DAP: variants seen among roughly 807,000 people sequenced by gnomAD.
The protein encoded by DAP is death associated protein.
A neutral mutation model predicts 13.8 loss-of-function variants in DAP; 8 were observed. That is an observed-to-expected ratio of 0.58 (90% CI 0.34 to 1.05). The LOEUF is 1.05. Among genes scored for constraint, DAP ranks in the 50% least tolerant of loss-of-function variants. The pLI is 0.03. For missense variants in DAP, 106 were observed against 133.2 expected, an observed-to-expected ratio of 0.80 and a Z score of 1.01; for synonymous variants, 47 against 47.5, an observed-to-expected ratio of 0.99 and a Z score of 0.04.
In DAP at chr5:10,680,814, T is replaced by C. The variant is rs1329171048; in HGVS notation, c.*242A>G. On this transcript the variant is annotated 3_prime_UTR_variant, in exon 4 of 4. Coordinates refer to ENST00000230895, the MANE Select transcript of DAP (RefSeq NM_004394.3). ...CTCGGATCTTGGCAAATTCTGCTAA[T>C]GGCACCTCTAGGGGCACAATGATCC... 4.6e-6 allele frequency: 7 copies of C among 1,536,790 alleles called. No individual in the cohort carries two copies. The South Asian group carries it at 4.8e-5, about 10-fold the overall frequency.
chr5:10,683,532 G>C lies in DAP; in HGVS notation c.192C>G (p.Ala64=). The C allele has an allele frequency of 3.1e-6, 5 of 1,613,990 alleles. No individual in the cohort carries two copies. The South Asian group carries it at 5.5e-5, about 18-fold the overall frequency. Residue 64 remains alanine (A), a synonymous_variant, in exon 3 of 4, where the codon GCC becomes GCG. Transcript: ENST00000230895. Reference sequence around the variant, plus strand: ...CCGCAGACACTCCCAGACTTACCCGGGCGATGACCCCAGAGATGAACACAG... The same window carrying C: ...CCGCAGACACTCCCAGACTTACCCGCGCGATGACCCCAGAGATGAACACAG... ...KPTVFISGVI[A]RGDKDFPPAA... is the part of the protein sequence containing the mutation.
chr5:10,748,262 C>A lies in DAP; in HGVS notation c.65G>T (p.Gly22Val), dbSNP rs756386770. 1 of 1,613,688 alleles carries A rather than the reference C, an allele frequency of 6.2e-7. No individual in the cohort carries two copies. The highest frequency in any genetic ancestry group is 1.7e-5 in the Admixed American group (1 of 60,028). The change falls in exon 2 of 4, where the codon GGT becomes GTT. Residue 22 changes from glycine to valine, a missense_variant. By Grantham distance (109) the Gly-to-Val change is moderately radical. Coordinates refer to ENST00000230895, the MANE Select transcript of DAP (RefSeq NM_004394.3). ...GTGTTTCTGCACAATTCGCATTCCA[C>A]CAGCTTTCACTGAAATGAAAACAGA... The part of the protein sequence containing the change: ...KAGHPPAVKA[G>V]GMRIVQKHPH...
At chr5:10,727,345 C>T (rs1486106851) in intron 2 of DAP, among the ~76,000 whole-genome samples, 2 of 152,140 alleles carry the variant, frequency 1.3e-5, no homozygotes, top group Non-Finnish European at 2.9e-5. Context: ...TGTGGGAACG[C>T]ACAGGGGTCA....
At chr5:10,723,000 G>A (rs1047800788) in intron 2 of DAP, among the ~76,000 whole-genome samples, 3 of 152,116 alleles carry the variant, frequency 2.0e-5, no homozygotes, top group East Asian at 3.8e-4. Context: ...CACTACAGCC[G>A]CAAAGTCCAG....
chr5:10,733,156 G>A (rs547788183), intron 2 of DAP, among the ~76,000 whole-genome samples: 3 of 8,012 alleles, frequency 3.7e-4, no homozygotes, highest in South Asian at 0.013. Flanking sequence ...ATATTCCTGC[G>A]TGTGTGTGTG....
intron 2 of DAP, 195 bp downstream of exon 2, chr5:10,747,980 A>G: frequency 1.9e-6 from 1 of 529,600 alleles, no homozygotes; most frequent in Non-Finnish European, 3.4e-6. Context: ...AGGAAAGAGG[A>G]CCTCTAGGGG....
chr5:10,755,842 A>C (rs562564835), intron 1 of DAP, among the ~76,000 whole-genome samples: 1 of 152,260 alleles, frequency 6.6e-6, no homozygotes, highest in African/African-American at 2.4e-5. Context: ...TAGAAGTCAC[A>C]GATAACCAAA....
chr5:10,687,230 T>C (rs1235557754), intron 2 of DAP, among the ~76,000 whole-genome samples: 1 of 152,254 alleles, frequency 6.6e-6, no homozygotes. Context: ...TACAAGGAGA[T>C]TAATGTTGTT....
At chr5:10,706,641 G>T (rs1738704031) in intron 2 of DAP, among the ~76,000 whole-genome samples, 1 of 152,228 alleles carries the variant, frequency 6.6e-6, no homozygotes, top group Non-Finnish European at 1.5e-5. Context: ...CGAGGCAGTT[G>T]AGAAACATTT....
intron 3 of DAP, 94 bp from the exon 4 acceptor site, chr5:10,681,263 C>T (rs1269519992): frequency 2.4e-5 from 23 of 970,762 alleles, no homozygotes; most frequent in African/African-American, 5.0e-5. Context: ...AGCGTCCCTG[C>T]GGAAGGATAG....
intron 2 of DAP, among the ~76,000 whole-genome samples, chr5:10,745,946 A>G (rs1222690324): frequency 6.6e-6 from 1 of 152,238 alleles, no homozygotes; most frequent in Non-Finnish European, 1.5e-5. Flanking sequence ...ATGCTCAGAA[A>G]ATGGAAGGCT....
Position 10,736,488 on chromosome 5 carries a change from G to A in DAP, c.152+11687C>T, listed in dbSNP as rs190129689. ...GCCTCGCTTGCACAGATGTCATCCT[G>A]CATGGGGCTTCACACGCAGCGGATG... On this transcript the variant is annotated intron_variant, in intron 2 of 3. Coordinates refer to ENST00000230895, the MANE Select transcript of DAP (RefSeq NM_004394.3). Among the ~76,000 whole-genome samples the A allele has an allele frequency of 9.2e-5, 14 of 152,304 alleles. No homozygotes were observed. The East Asian group carries it at 2.5e-3, about 27-fold the overall frequency.
intron 2 of DAP, among the ~76,000 whole-genome samples, chr5:10,742,348 C>T (rs1328625235): frequency 6.6e-6 from 1 of 152,054 alleles, no homozygotes; most frequent in Non-Finnish European, 1.5e-5. Flanking sequence ...GCCTAGCCAA[C>T]ATGGTGAAAC....
rs984206622 is a variant in DAP, at chr5:10,761,232, G to A, written c.-164C>T. The stretch of plus-strand genomic sequence containing the variant: ...CGCGAGCCGGGTGAGTGCCACTGCC[G>A]TTAAGGGGGCGCGGCCGCCGCGCGC... On this transcript the variant is annotated 5_prime_UTR_variant, in exon 1 of 4. It adds an upstream start codon to the 5' untranslated region. Transcript: ENST00000230895. 189 of 218,512 alleles carry A rather than the reference G, an allele frequency of 8.6e-4. No homozygotes were observed. The highest frequency in any genetic ancestry group is 1.4e-3 in the Non-Finnish European group (162 of 115,918). 13.5% of individuals were successfully genotyped at this position (218,512 alleles called of 1,614,324 possible).
intron 2 of DAP, among the ~76,000 whole-genome samples, chr5:10,690,467 AG>A (rs1738280546): frequency 6.6e-6 from 1 of 152,146 alleles, no homozygotes; most frequent in Non-Finnish European, 1.5e-5. Context: ...ATTAAACACT[AG>A]CTCCCCATTC....
chr5:10,761,092 C>A lies in DAP; in HGVS notation c.-24G>T. On this transcript the variant is annotated 5_prime_UTR_variant, in exon 1 of 4. Coordinates refer to ENST00000230895, the MANE Select transcript of DAP (RefSeq NM_004394.3). ...ATGACGCGGCGGGGCTTCCGCGGGG[C>A]CGAGGCGGCGGCGCGGTTCTCGGGC... The A allele has an allele frequency of 1.7e-6, 2 of 1,200,200 alleles. No homozygotes were observed. Among genetic ancestry groups the A allele is most frequent in the African/African-American group, 3.2e-5 (2 of 62,906 alleles). The allele number at this position is 1,200,200 out of a possible 1,614,324, so 74.3% of individuals were successfully genotyped here. A position where few individuals can be genotyped will look rare whatever the true frequency, so the allele number is the denominator to read the frequency against.
intron 2 of DAP, among the ~76,000 whole-genome samples, chr5:10,734,691 T>A (rs1739559412): frequency 6.6e-6 from 1 of 152,190 alleles, no homozygotes. Flanking sequence ...AAAATACACA[T>A]ATCCACAGGT....
intron 1 of DAP, among the ~76,000 whole-genome samples, chr5:10,749,645 A>T (rs1004040694): frequency 6.6e-6 from 1 of 152,144 alleles, no homozygotes; most frequent in Non-Finnish European, 1.5e-5. Context: ...GGTTTCCCCA[A>T]GAGAGACCTT....
At chr5:10,682,591 AC>A (rs1738051215) in intron 3 of DAP, among the ~76,000 whole-genome samples, 1 of 151,746 alleles carries the variant, frequency 6.6e-6, no homozygotes, top group Non-Finnish European at 1.5e-5. Context: ...CCAGGCCAGC[AC>A]CCACCAGCGT....
Sources: gnomAD v4.1 joint callset for allele counts (sites outside exome capture counted in the v4.1 genomes callset) on GRCh38, gnomAD v4.1.1 for gene constraint, MANE v1.5 for transcripts, NCBI Gene and HGNC (gene_info 2026-07-23, HGNC 2026-07-21) for gene names.